Variants in BACH2 observed in about 807,000 individuals in gnomAD.
BACH2 encodes BACH transcriptional regulator 2, also known as transcription regulator protein BACH2.
A neutral mutation model predicts 61.8 loss-of-function variants in BACH2; 5 were observed. The observed-to-expected ratio is 0.08, with a 90% CI of 0.04 to 0.17. The LOEUF (loss-of-function observed/expected upper bound fraction) is 0.17. Ranked by LOEUF, BACH2 falls within the 10% of genes least tolerant of loss-of-function variation. BACH2 has a pLI of 1.00. For missense variants in BACH2, 824 were observed against 1,091.1 expected, an observed-to-expected ratio of 0.76 and a Z score of 3.45; for synonymous variants, 446 against 440.1, an observed-to-expected ratio of 1.01 and a Z score of -0.17.
In BACH2 at chr6:90,055,237, C is replaced by T. The variant is rs573616868; in HGVS notation, c.-13+33724G>A. 1.3e-4 allele frequency among the ~76,000 whole-genome samples: 20 copies of T among 152,138 alleles called. 1 individual carries two copies. Among genetic ancestry groups the T allele is most frequent in the South Asian group, 1.0e-3 (5 of 4,820 alleles). On this transcript the variant is annotated intron_variant, in intron 5 of 8. Transcript: ENST00000257749. ...TTAAAAGCTTTGAAAAAAAATTAGA[C>T]GAACGGATAACTAGAATAATCAATG...
At chr6:90,145,639 T>C (rs1405939532) in intron 4 of BACH2, among the ~76,000 whole-genome samples, 1 of 152,212 alleles carries the variant, frequency 6.6e-6, no homozygotes, top group Non-Finnish European at 1.5e-5. Flanking sequence ...TCCTTTAAAA[T>C]TGTGTGAAGT....
chr6:90,081,938 T>C (rs184074354), intron 5 of BACH2, among the ~76,000 whole-genome samples: 249 of 152,222 alleles, frequency 1.6e-3, no homozygotes, highest in African/African-American at 5.7e-3. Context: ...AGCACAGAGA[T>C]ACCAGCACAA....
chr6:89,953,102 G>C (rs1159995547), intron 6 of BACH2: 3 of 152,222 alleles, frequency 2.0e-5, no homozygotes, highest in Non-Finnish European at 4.4e-5. Flanking sequence ...GCACAGCAAG[G>C]TGAACTGGTA....
At chr6:90,098,415 TAAG>T (rs1046279180) in intron 4 of BACH2, among the ~76,000 whole-genome samples, 18 of 152,250 alleles carry the variant, frequency 1.2e-4, no homozygotes, top group African/African-American at 4.3e-4. Flanking sequence ...GATCATTCAC[TAAG>T]AATTCATTTT....
chr6:90,280,010 T>C (rs533644630), intron 1 of BACH2, among the ~76,000 whole-genome samples: 1 of 152,300 alleles, frequency 6.6e-6, no homozygotes, highest in African/African-American at 2.4e-5. Flanking sequence ...ACTATTTTAC[T>C]TGCCTGATCT....
chr6:90,116,300 T>G (rs186901436), intron 4 of BACH2, among the ~76,000 whole-genome samples: 240 of 152,292 alleles, frequency 1.6e-3, no homozygotes, highest in Non-Finnish European at 2.9e-3. Context: ...CATCATGGAA[T>G]ATTATGCAGC....
At chr6:90,221,188 A>C (rs1274775924) in intron 3 of BACH2, among the ~76,000 whole-genome samples, 1 of 152,248 alleles carries the variant, frequency 6.6e-6, no homozygotes, top group Non-Finnish European at 1.5e-5. Context: ...CCCTATAAGC[A>C]AGATAGGTAA....
At chr6:90,129,662 C>T (rs993215010) in intron 4 of BACH2, among the ~76,000 whole-genome samples, 1 of 152,110 alleles carries the variant, frequency 6.6e-6, no homozygotes, top group African/African-American at 2.4e-5. Flanking sequence ...TTGTAGTTAT[C>T]CTTGAAGAGG....
chr6:90,001,279 T>C (rs1005412161), intron 6 of BACH2: 4 of 152,142 alleles, frequency 2.6e-5, no homozygotes, highest in Non-Finnish European at 4.4e-5. Context: ...TCTTGAGAGA[T>C]TGTTTGGAGC....
At chr6:90,187,980 C>T (rs118160892) in intron 4 of BACH2, among the ~76,000 whole-genome samples, 94 of 152,246 alleles carry the variant, frequency 6.2e-4, no homozygotes, top group Non-Finnish European at 1.1e-3. Context: ...TCTCACTATG[C>T]GGAAAATCAC....
intron 3 of BACH2, among the ~76,000 whole-genome samples, chr6:90,241,564 C>T (rs1770453470): frequency 6.6e-6 from 1 of 152,180 alleles, no homozygotes; most frequent in Non-Finnish European, 1.5e-5. Flanking sequence ...ACATTTAGCA[C>T]AATGGCCACA....
chr6:89,997,858 C>T (rs1014806936), intron 6 of BACH2, among the ~76,000 whole-genome samples: 2 of 152,176 alleles, frequency 1.3e-5, no homozygotes, highest in African/African-American at 2.4e-5. Context: ...CCCTGCCCTA[C>T]CCAGTTCTGG....
At chr6:90,238,171 T>C (rs1172774158) in intron 3 of BACH2, among the ~76,000 whole-genome samples, 1 of 152,248 alleles carries the variant, frequency 6.6e-6, no homozygotes, top group Non-Finnish European at 1.5e-5. Flanking sequence ...AATTTTATAA[T>C]AGTCTCATAA....
chr6:89,946,966 C>T (rs528822717), intron 7 of BACH2, among the ~76,000 whole-genome samples: 2 of 152,196 alleles, frequency 1.3e-5, no homozygotes, highest in African/African-American at 4.8e-5. Context: ...CTGCTTAACA[C>T]GGTATAACTA....
At chr6:90,061,309 G>T (rs1780674861) in intron 5 of BACH2, among the ~76,000 whole-genome samples, 1 of 152,132 alleles carries the variant, frequency 6.6e-6, no homozygotes, top group Non-Finnish European at 1.5e-5. Flanking sequence ...TTGATAGTTT[G>T]GATGTGGAAG....
chr6:90,278,557 T>C (rs778414301), intron 1 of BACH2, among the ~76,000 whole-genome samples: 4 of 152,234 alleles, frequency 2.6e-5, no homozygotes, highest in African/African-American at 9.6e-5. Context: ...CCCAGTAGAC[T>C]ATATGTTTTC....
chr6:90,251,067 A>G (rs1770791798), intron 3 of BACH2, among the ~76,000 whole-genome samples: 1 of 152,220 alleles, frequency 6.6e-6, no homozygotes, highest in Non-Finnish European at 1.5e-5. Flanking sequence ...CCATACAAAA[A>G]GTTTCAAAGA....
At chr6:90,130,532 T>C (rs927182050) in intron 4 of BACH2, among the ~76,000 whole-genome samples, 2 of 152,222 alleles carry the variant, frequency 1.3e-5, no homozygotes, top group Non-Finnish European at 2.9e-5. Context: ...AGGTGGAAAT[T>C]GAGGCTTGAA....
intron 5 of BACH2, among the ~76,000 whole-genome samples, chr6:90,088,002 CT>C (rs1488399211): frequency 6.7e-6 from 1 of 149,640 alleles, no homozygotes; most frequent in Non-Finnish European, 1.5e-5. Flanking sequence ...TACCTATTAA[CT>C]ATCCCACCTC....
Sources: allele counts gnomAD v4.1 joint callset (sites outside exome capture counted in the v4.1 genomes callset), GRCh38; gene constraint gnomAD v4.1.1; transcripts MANE v1.5; gene names NCBI Gene and HGNC (gene_info 2026-07-23, HGNC 2026-07-21).